PIK3C2G: variants seen among roughly 807,000 people sequenced by gnomAD.
PIK3C2G encodes the protein phosphatidylinositol-4-phosphate 3-kinase catalytic subunit type 2 gamma, also known as phosphatidylinositol 3-kinase C2 domain-containing subunit gamma.
Under a neutral mutation model 181.1 loss-of-function variants are expected in PIK3C2G, and 168 were observed. That is an observed-to-expected ratio of 0.93 (90% CI 0.82 to 1.05). PIK3C2G has a LOEUF of 1.05. Among genes scored for constraint, PIK3C2G ranks in the 50% least tolerant of loss-of-function variants. The pLI, the probability that PIK3C2G is intolerant of heterozygous loss-of-function variation, is 0.00. For synonymous variants in PIK3C2G, 573 were observed against 592.2 expected (o/e 0.97, Z 0.47); for missense variants, 1,869 against 1,732.8 (o/e 1.08, Z -1.40).
chr12:18,282,246 G>A lies in PIK3C2G; in HGVS notation c.165G>A (p.Glu55=), dbSNP rs1949251755. 1.2e-6 allele frequency: 2 copies of A among 1,613,554 alleles called. No homozygotes were observed. Among genetic ancestry groups the A allele is most frequent in the Admixed American group, 1.7e-5 (1 of 59,902 alleles). The change falls in exon 2 of 33, where the codon GAG becomes GAA. Residue 55 remains glutamate (E), a synonymous_variant. Transcript: ENST00000538779. The part of the protein sequence containing the change: ...DEISGKIPHY[E]SEIDENTFFV... ...TCAGTGGCAAAATTCCACACTACGAGAGTGAAATTGATGAAAACACCTTTT... is the reference window on the plus strand; with the variant it reads ...TCAGTGGCAAAATTCCACACTACGAAAGTGAAATTGATGAAAACACCTTTT...
chr12:18,461,858 T>C (rs1281593961), intron 18 of PIK3C2G, among the ~76,000 whole-genome samples: 2 of 152,194 alleles, frequency 1.3e-5, no homozygotes, highest in Admixed American at 1.3e-4. Context: ...TGGTATTTTG[T>C]TATAGCAGAC....
intron 18 of PIK3C2G, among the ~76,000 whole-genome samples, chr12:18,453,967 C>G (rs1281355898): frequency 2.0e-5 from 3 of 152,092 alleles, no homozygotes; most frequent in African/African-American, 7.2e-5. Context: ...TAATGTAAAG[C>G]TTCTTGTAGT....
chr12:18,662,838 A>T, the PIK3C2G span, among the ~76,000 whole-genome samples: 1 of 152,090 alleles, frequency 6.6e-6, no homozygotes, highest in African/African-American at 2.4e-5. Context: ...CAAACAGAAA[A>T]TGCACATAGA....
At chr12:18,684,887 T>G in the PIK3C2G span, among the ~76,000 whole-genome samples, 7 of 152,024 alleles carry the variant, frequency 4.6e-5, no homozygotes, top group African/African-American at 1.7e-4. Context: ...ACTCATGAGA[T>G]CTGATGGTTT....
At chr12:18,459,937 A>G (rs1232592170) in intron 18 of PIK3C2G, among the ~76,000 whole-genome samples, 2 of 151,986 alleles carry the variant, frequency 1.3e-5, no homozygotes, top group Non-Finnish European at 2.9e-5. Flanking sequence ...TAATTTTTGT[A>G]TATTTTTAGT....
At chr12:18,325,500 A>T (rs1951298341) in intron 8 of PIK3C2G, among the ~76,000 whole-genome samples, 1 of 152,010 alleles carries the variant, frequency 6.6e-6, no homozygotes, top group East Asian at 1.9e-4. Flanking sequence ...CGAGGTCAAG[A>T]GATCGAGACC....
rs201805753 is a variant in PIK3C2G, at chr12:18,337,612, G to A, written c.1273-814G>A. On this transcript the variant is annotated intron_variant, in intron 8 of 32. Coordinates refer to ENST00000538779, the MANE Select transcript of PIK3C2G (RefSeq NM_001288772.2). ...AGGGAAATCAGGTGTCTCACGTGGC[G>A]AGAGCTGGAGCAGAGGGAGGCGGGA... Among the ~76,000 whole-genome samples, 13 of 152,180 alleles carry A rather than the reference G, an allele frequency of 8.5e-5. No homozygotes were observed. In the East Asian group the frequency reaches 1.6e-3, roughly 18 times the overall value.
intron 21 of PIK3C2G, among the ~76,000 whole-genome samples, chr12:18,496,513 A>G (rs1394429753): frequency 1.3e-5 from 2 of 152,204 alleles, no homozygotes; most frequent in African/African-American, 2.4e-5. Context: ...CTGAAATGAC[A>G]TAAGTTAATT....
intron 29 of PIK3C2G, among the ~76,000 whole-genome samples, chr12:18,578,985 A>G (rs1251413379): frequency 6.6e-6 from 1 of 152,168 alleles, no homozygotes; most frequent in East Asian, 1.9e-4. Flanking sequence ...TAGGAAAAGT[A>G]AAGATAATCC....
rs1555161112 is a variant in PIK3C2G at position 18,642,816 on chromosome 12, G to GTC, written c.4308+2263_4308+2264insCT. ...TGTGTGTGTGTGTGTGTGTGTGTGTGTGTGTGTATAAAATGTAAATACATG... is the reference window on the plus strand; with the variant it reads ...TGTGTGTGTGTGTGTGTGTGTGTGTGTCTGTGTGTATAAAATGTAAATACATG... On this transcript the variant is annotated intron_variant, in intron 32 of 32. Transcript: ENST00000538779. 1.1e-4 allele frequency among the ~76,000 whole-genome samples: 16 copies of GTC among 148,958 alleles called. 1 individual carries two copies. The highest frequency in any genetic ancestry group is 1.5e-4 in the African/African-American group (6 of 38,932).
At chr12:18,692,810 G>A in the PIK3C2G span, 5 of 1,531,130 alleles carry the variant, frequency 3.3e-6, no homozygotes, top group African/African-American at 2.7e-5. Context: ...GTGGCAAGAA[G>A]GATGACAAGC....
At chr12:18,659,921 A>G in the PIK3C2G span, among the ~76,000 whole-genome samples, 86 of 152,268 alleles carry the variant, frequency 5.6e-4, no homozygotes, top group African/African-American at 2.0e-3. Flanking sequence ...CTGAAATAAA[A>G]GAACTCTAGG....
intron 15 of PIK3C2G, among the ~76,000 whole-genome samples, chr12:18,398,669 G>T (rs1392252725): frequency 6.6e-6 from 1 of 152,080 alleles, no homozygotes; most frequent in African/African-American, 2.4e-5. Flanking sequence ...GCAAGTCAAG[G>T]CCCTAGTCCT....
chr12:18,467,840 TC>T (rs1331777421), intron 18 of PIK3C2G, among the ~76,000 whole-genome samples: 1 of 151,834 alleles, frequency 6.6e-6, no homozygotes, highest in Admixed American at 6.6e-5. Flanking sequence ...CAAGTGGAAA[TC>T]CCCCAAAGTA....
At chr12:18,658,000 A>G in the PIK3C2G span, among the ~76,000 whole-genome samples, 4 of 152,238 alleles carry the variant, frequency 2.6e-5, no homozygotes, top group South Asian at 2.1e-4. Flanking sequence ...AAAGAGACAT[A>G]TTATGAAGTA....
In PIK3C2G at chr12:18,314,031, A is replaced by G. The variant is rs552638327; in HGVS notation, c.1104A>G (p.Lys368=). 1 of 1,584,144 alleles carries G rather than the reference A, an allele frequency of 6.3e-7. No individual in the cohort carries two copies. Among genetic ancestry groups the G allele is most frequent in the African/African-American group, 1.3e-5 (1 of 74,462 alleles). Residue 368 remains lysine, a synonymous_variant, in exon 6 of 33, where the codon AAA becomes AAG. Coordinates refer to ENST00000538779, the MANE Select transcript of PIK3C2G (RefSeq NM_001288772.2). ...CTGTTATTCAGCTCCACCTGCAGAA[A>G]AGTAGGGAAGCTCCAGGAAAGCTAT... ...DKSVIQLHLQ[K]SREAPGKLSR...
intron 7 of PIK3C2G, among the ~76,000 whole-genome samples, chr12:18,322,602 G>A (rs1020499604): frequency 6.6e-6 from 1 of 152,008 alleles, no homozygotes; most frequent in Non-Finnish European, 1.5e-5. Context: ...AGTTCTGAGA[G>A]GCTAAATAAT....
intron 18 of PIK3C2G, among the ~76,000 whole-genome samples, chr12:18,429,820 G>A (rs7303231): frequency 0.011 from 1,629 of 152,226 alleles, 25 homozygotes; most frequent in African/African-American, 0.037. Context: ...ACTGCTGTGC[G>A]CCTCTACCTG....
intron 8 of PIK3C2G, among the ~76,000 whole-genome samples, chr12:18,325,399 G>A (rs551769483): frequency 6.6e-6 from 1 of 152,252 alleles, no homozygotes; most frequent in Admixed American, 6.5e-5. Flanking sequence ...GCCAGAGACG[G>A]GCATTGTGAA....
Sources: allele counts gnomAD v4.1 joint callset (sites outside exome capture counted in the v4.1 genomes callset), GRCh38; gene constraint gnomAD v4.1.1; transcripts MANE v1.5; gene names NCBI Gene and HGNC (gene_info 2026-07-23, HGNC 2026-07-21).